ZNF676: variants seen among roughly 807,000 people sequenced by gnomAD.
The protein encoded by ZNF676 is zinc finger protein 676.
A neutral mutation model predicts 6.0 loss-of-function variants in ZNF676; 4 were observed. The observed-to-expected ratio is 0.67, with a 90% CI of 0.33 to 1.53. The LOEUF (loss-of-function observed/expected upper bound fraction) is 1.53, where lower values mean the gene tolerates loss of function less well. ZNF676 is among the 40% of genes most tolerant of loss of function. The pLI is 0.06. For missense variants in ZNF676, 644 were observed against 679.7 expected (o/e 0.95, Z 0.58); for synonymous variants, 198 against 223.1 (o/e 0.89, Z 1.00).
the ZNF676 span, among the ~76,000 whole-genome samples, chr19:22,249,489 C>G: frequency 1.3e-5 from 2 of 152,074 alleles, no homozygotes; most frequent in East Asian, 1.9e-4. Context: ...CTCAGCTCAC[C>G]GCAACCTCTG....
chr19:22,221,748 CAA>C, the ZNF676 span, among the ~76,000 whole-genome samples: 162 of 146,366 alleles, frequency 1.1e-3, 2 homozygotes, highest in African/African-American at 2.7e-3. Flanking sequence ...AAGACTGTCA[CAA>C]AAAAAAAAAA....
chr19:22,180,671 G>T lies in ZNF676; in HGVS notation c.1046C>A (p.Ser349Tyr), dbSNP rs1177440390. Residue 349 changes from serine to tyrosine, a missense_variant, in exon 3 of 3, where the codon TCC (serine) becomes TAC (tyrosine). By Grantham distance (144) the Ser-to-Tyr change is moderately radical. Around this residue, in one of 5 missense-constraint regions of ZNF676, gnomAD observed 29 missense variants for 44.4 expected, o/e 0.65. Coordinates refer to ENST00000397121, the MANE Select transcript of ZNF676 (RefSeq NM_001001411.3). ...AATCTTATGTTTAGTAAGGATTGAGGATCGATTAAAAGCTTTCCCGCATTC... is the reference window on the plus strand; with the variant it reads ...AATCTTATGTTTAGTAAGGATTGAGTATCGATTAAAAGCTTTCCCGCATTC... ...CEECGKAFNR[S>Y]SILTKHKIIH... 6.2e-7 allele frequency: 1 copy of T among 1,610,590 alleles called. No individual in the cohort carries two copies. The highest frequency in any genetic ancestry group is 1.3e-5 in the African/African-American group (1 of 74,282).
At chr19:22,210,157 C>T (rs1035389059) in intron 1 of ZNF676, among the ~76,000 whole-genome samples, 1 of 152,154 alleles carries the variant, frequency 6.6e-6, no homozygotes, top group African/African-American at 2.4e-5. Context: ...CCCAGACACC[C>T]GGAGTTTCAT....
chr19:22,248,899 T>G, the ZNF676 span, among the ~76,000 whole-genome samples: 1 of 152,120 alleles, frequency 6.6e-6, no homozygotes, highest in Non-Finnish European at 1.5e-5. Context: ...CTGGCTAATT[T>G]TTGTATTTTT....
upstream of ZNF676, among the ~76,000 whole-genome samples, chr19:22,199,411 G>A (rs2024002315): frequency 6.6e-6 from 1 of 152,178 alleles, no homozygotes; most frequent in Non-Finnish European, 1.5e-5. Context: ...TTCTGAGTAA[G>A]TCAGCATTTG....
At chr19:22,215,658 G>A in exon 1 of ZNF676, 2 of 1,609,518 alleles carry the variant, frequency 1.2e-6, no homozygotes, top group Non-Finnish European at 1.7e-6. Flanking sequence ...GGGGGTCCTG[G>A]CGACTTAGTT....
the ZNF676 span, among the ~76,000 whole-genome samples, chr19:22,221,461 T>G: frequency 1.7e-3 from 260 of 152,160 alleles, 7 homozygotes; most frequent in East Asian, 0.044. Flanking sequence ...ATTCTTAAAT[T>G]TATTCAGGGG....
At chr19:22,234,964 G>GAAAGAAAGAAAGAAAGAAAA in the ZNF676 span, among the ~76,000 whole-genome samples, 1 of 10,186 alleles carries the variant, frequency 9.8e-5, no homozygotes, top group African/African-American at 4.3e-4. Flanking sequence ...GAAAGCAAGA[G>GAAAGAAAGAAAGAAAGAAAA]AAAGAAAGAA....
chr19:22,197,032 A>T (rs2023974551), upstream of ZNF676: 8 of 257,284 alleles, frequency 3.1e-5, no homozygotes, highest in South Asian at 3.8e-4. Flanking sequence ...TACATCATAC[A>T]GAATTGTGTG....
chr19:22,184,928 CT>C (rs2023814386), intron 2 of ZNF676, among the ~76,000 whole-genome samples: 1 of 150,932 alleles, frequency 6.6e-6, no homozygotes, highest in South Asian at 2.1e-4. Flanking sequence ...GAAGGGACAG[CT>C]GGGAGCACAG....
the ZNF676 span, among the ~76,000 whole-genome samples, chr19:22,247,501 T>TAGCG: frequency 6.6e-6 from 1 of 150,628 alleles, no homozygotes; most frequent in African/African-American, 2.4e-5. Flanking sequence ...GAGGCAGAGG[T>TAGCG]AGCGGTAAGC....
rs2023748316 is a variant in ZNF676 at position 22,181,396 on chromosome 19, A to C, written c.321T>G (p.Thr107=). ...CACATTGAAATACTTTGCTCTGTGTAGTTGTTAAACTCTGGTTAAGTTTAT... is the reference window on the plus strand; with the variant it reads ...CACATTGAAATACTTTGCTCTGTGTCGTTGTTAAACTCTGGTTAAGTTTAT... The part of the protein sequence containing the change: ...GYNKLNQSLT[T]TQSKVFQCGK... Residue 107 remains threonine, a synonymous_variant, in exon 3 of 3, where the codon ACT becomes ACG. Transcript: ENST00000397121. 1.2e-6 allele frequency: 2 copies of C among 1,613,598 alleles called. No homozygotes were observed. Among genetic ancestry groups the C allele is most frequent in the Non-Finnish European group, 1.7e-6 (2 of 1,179,762 alleles).
At chr19:22,223,817 C>T in the ZNF676 span, among the ~76,000 whole-genome samples, 3 of 151,552 alleles carry the variant, frequency 2.0e-5, no homozygotes, top group African/African-American at 7.3e-5. Flanking sequence ...ATATCAGAGG[C>T]TTTAATTATA....
intron 1 of ZNF676, among the ~76,000 whole-genome samples, chr19:22,195,531 C>T (rs1249690429): frequency 6.6e-6 from 1 of 152,186 alleles, no homozygotes; most frequent in East Asian, 1.9e-4. Context: ...TCCTCTGTAG[C>T]TTTGCATAGT....
chr19:22,250,000 T>C, the ZNF676 span, among the ~76,000 whole-genome samples: 5 of 151,916 alleles, frequency 3.3e-5, no homozygotes, highest in Admixed American at 6.6e-5. Flanking sequence ...CTGACTAACA[T>C]GGTGAAACCC....
rs747716880 is a variant in ZNF676 at position 22,180,953 on chromosome 19, C to T, written c.764G>A (p.Cys255Tyr). Residue 255 changes from cysteine to tyrosine, a missense_variant, in exon 3 of 3, where the codon TGT (cysteine) becomes TAT (tyrosine). Physicochemically the swap from Cys to Tyr is radical, Grantham distance 194. Coordinates refer to ENST00000397121, the MANE Select transcript of ZNF676 (RefSeq NM_001001411.3). Reference sequence around the variant, plus strand: ...ACTAAATCCTTTGCCACATTCTTCACATTTGTAGGGTTTCTCTCCAGTATG... The same window carrying T: ...ACTAAATCCTTTGCCACATTCTTCATATTTGTAGGGTTTCTCTCCAGTATG... ...IIHTGEKPYK[C>Y]EECGKGFSSV... is the part of the protein sequence containing the mutation. 2 of 1,600,654 alleles carry T rather than the reference C, an allele frequency of 1.2e-6. No homozygotes were observed. The highest frequency in any genetic ancestry group is 1.7e-6 in the Non-Finnish European group (2 of 1,170,320).
the ZNF676 span, among the ~76,000 whole-genome samples, chr19:22,229,968 T>C: frequency 1.3e-5 from 2 of 152,088 alleles, no homozygotes; most frequent in Non-Finnish European, 2.9e-5. Context: ...GAATCAGAAA[T>C]ACCATTTGAC....
rs143862226 is a variant in ZNF676, at chr19:22,214,529, G to A, written c.3+1103C>T. Among the ~76,000 whole-genome samples, 772 of 150,026 alleles carry A rather than the reference G, an allele frequency of 5.1e-3. 6 individuals carry two copies. Among genetic ancestry groups the A allele is most frequent in the African/African-American group, 0.017 (704 of 40,618 alleles). On this transcript the variant is annotated intron_variant, in intron 1 of 3. Coordinates refer to the ZNF676 transcript ENST00000650058. Reference sequence around the variant, plus strand: ...CAGGAGAATCGCTTGAACCTGGGAGGCGGAGAGTCCAGTTAGCCTAGATGG... The same window carrying A: ...CAGGAGAATCGCTTGAACCTGGGAGACGGAGAGTCCAGTTAGCCTAGATGG...
chr19:22,244,477 T>G, the ZNF676 span: 1 of 152,146 alleles, frequency 6.6e-6, no homozygotes, highest in African/African-American at 2.4e-5. Flanking sequence ...CACCTATGAG[T>G]TGGGCCAGGA....
Sources: allele counts gnomAD v4.1 joint callset (sites outside exome capture counted in the v4.1 genomes callset), GRCh38; gene constraint gnomAD v4.1.1; regional missense constraint gnomAD v4.1.1; transcripts MANE v1.5; gene names NCBI Gene and HGNC (gene_info 2026-07-23, HGNC 2026-07-21).